MYO3A: variants seen among roughly 807,000 people sequenced by gnomAD.
MYO3A encodes myosin IIIA, also known as myosin-IIIa.
A neutral mutation model predicts 192.7 loss-of-function variants in MYO3A; 180 were observed. That is an observed-to-expected ratio of 0.93 (90% CI 0.83 to 1.06). The LOEUF (loss-of-function observed/expected upper bound fraction) is 1.06. Among genes scored for constraint, MYO3A ranks in the 50% least tolerant of loss-of-function variants. The pLI, the probability that MYO3A is intolerant of heterozygous loss-of-function variation, is 0.00. For missense variants in MYO3A, 1,896 were observed against 1,905.0 expected, an observed-to-expected ratio of 1.00 and a Z score of 0.09; for synonymous variants, 628 against 645.3, an observed-to-expected ratio of 0.97 and a Z score of 0.41.
chr10:26,188,393 C>T (rs1842965056), intron 31 of MYO3A, among the ~76,000 whole-genome samples: 1 of 152,102 alleles, frequency 6.6e-6, no homozygotes, highest in African/African-American at 2.4e-5. Flanking sequence ...TAGATATTAG[C>T]CCTTTGTCAG....
intron 25 of MYO3A, among the ~76,000 whole-genome samples, chr10:26,155,506 A>G (rs1007423652): frequency 1.6e-4 from 25 of 152,350 alleles, no homozygotes; most frequent in African/African-American, 6.0e-4. Flanking sequence ...AAATACCACT[A>G]AAACTTGGAG....
intron 2 of MYO3A, among the ~76,000 whole-genome samples, chr10:25,942,006 CTTT>C (rs151243879): frequency 1.4e-5 from 2 of 139,196 alleles, no homozygotes; most frequent in African/African-American, 2.6e-5. Flanking sequence ...TTTCTTTTTT[CTTT>C]TTTTTTTTTT....
chr10:26,176,181 C>T (rs901789188), intron 30 of MYO3A, among the ~76,000 whole-genome samples: 13 of 152,012 alleles, frequency 8.6e-5, no homozygotes, highest in Non-Finnish European at 2.9e-5. Context: ...GTAGTCCCAG[C>T]TACTCTGGAG....
At chr10:26,173,512 C>A in intron 29 of MYO3A, 151 bp from the exon 30 acceptor site, 1 of 685,146 alleles carries the variant, frequency 1.5e-6, no homozygotes. Flanking sequence ...CTGGAAAGCA[C>A]TTGATTAATG....
At chr10:26,100,010 G>C (rs1329553640) in intron 17 of MYO3A, among the ~76,000 whole-genome samples, 1 of 152,138 alleles carries the variant, frequency 6.6e-6, no homozygotes, top group African/African-American at 2.4e-5. Context: ...TTGTACCTCT[G>C]GTAGAATTCG....
At chr10:26,071,647 ATG>A (rs1412267422) in intron 14 of MYO3A, among the ~76,000 whole-genome samples, 1 of 152,194 alleles carries the variant, frequency 6.6e-6, no homozygotes, top group African/African-American at 2.4e-5. Context: ...GGACTTGTAT[ATG>A]AAAAAAACTC....
intron 15 of MYO3A, among the ~76,000 whole-genome samples, chr10:26,091,825 A>G (rs1480347176): frequency 6.6e-6 from 1 of 151,908 alleles, no homozygotes; most frequent in Non-Finnish European, 1.5e-5. Context: ...CTTCTGTCTG[A>G]CTCCCAAGCC....
chr10:25,954,288 C>T (rs1837396950), intron 3 of MYO3A, among the ~76,000 whole-genome samples: 1 of 152,074 alleles, frequency 6.6e-6, no homozygotes, highest in Non-Finnish European at 1.5e-5. Context: ...AGAAATATGT[C>T]TAAGTGGCTG....
intron 31 of MYO3A, among the ~76,000 whole-genome samples, chr10:26,179,333 C>T (rs1408917844): frequency 6.6e-6 from 1 of 151,562 alleles, no homozygotes; most frequent in Non-Finnish European, 1.5e-5. Flanking sequence ...AAACTCCTGA[C>T]GTTAAGTGAT....
At chr10:26,060,937 A>C (rs574605453) in intron 10 of MYO3A, among the ~76,000 whole-genome samples, 1 of 150,570 alleles carries the variant, frequency 6.6e-6, no homozygotes, top group Non-Finnish European at 1.5e-5. Flanking sequence ...ATTTTATTTT[A>C]TTTTTTTTTG....
Position 26,212,196 on chromosome 10 carries a change from C to G in MYO3A, c.*233C>G. The G allele has an allele frequency of 1.7e-6, 1 of 572,228 alleles. No homozygotes were observed. The highest frequency in any genetic ancestry group is 3.0e-5 in the South Asian group (1 of 33,894). 35.4% of individuals were successfully genotyped at this position (572,228 alleles called of 1,614,324 possible). ...CCCCGACGCTCTCTCTCGGAACTCC[C>G]GCACCCTCCTTTCTCACCAGCCCGC... On this transcript the variant is annotated 3_prime_UTR_variant, in exon 35 of 35. Transcript: ENST00000642920.
At chr10:26,096,288 C>A in intron 15 of MYO3A, 93 bp from the exon 16 acceptor site, 1 of 944,270 alleles carries the variant, frequency 1.1e-6, no homozygotes, top group Non-Finnish European at 1.7e-6. Flanking sequence ...CATATCAGCA[C>A]TCACAGTCGT....
chr10:26,125,187 G>A (rs1445787927), intron 18 of MYO3A, among the ~76,000 whole-genome samples: 1 of 152,156 alleles, frequency 6.6e-6, no homozygotes, highest in Non-Finnish European at 1.5e-5. Context: ...ATAATATGCA[G>A]TAACCTAAGT....
At chr10:26,115,663 C>T (rs997557309) in intron 17 of MYO3A, among the ~76,000 whole-genome samples, 2 of 152,102 alleles carry the variant, frequency 1.3e-5, no homozygotes, top group Non-Finnish European at 2.9e-5. Flanking sequence ...TAACTAAATT[C>T]TCTTAAACAC....
chr10:26,008,369 CA>C lies in MYO3A; in HGVS notation c.509-8447del, dbSNP rs1219612837. Among the ~76,000 whole-genome samples the C allele has an allele frequency of 1.6e-4, 24 of 148,708 alleles. 1 individual carries two copies. The highest frequency in any genetic ancestry group is 4.9e-4 in the African/African-American group (19 of 38,826). The stretch of plus-strand genomic sequence containing the variant: ...CACCAAAAGCAATGGCAACAAAAGC[CA>C]AAATTGACAAATGGGATCTAATTAA... On this transcript the variant is annotated intron_variant, in intron 6 of 34. Transcript: ENST00000642920.
chr10:25,962,576 T>C (rs1838002571), intron 4 of MYO3A, among the ~76,000 whole-genome samples: 1 of 152,226 alleles, frequency 6.6e-6, no homozygotes, highest in African/African-American at 2.4e-5. Flanking sequence ...CATTTTGAAA[T>C]ACCTTATGTA....
chr10:26,176,426 C>G (rs567549439), intron 30 of MYO3A, among the ~76,000 whole-genome samples: 2 of 152,296 alleles, frequency 1.3e-5, no homozygotes, highest in South Asian at 2.1e-4. Context: ...TCTCAGAAAC[C>G]TGGGAAGGAG....
intron 20 of MYO3A, among the ~76,000 whole-genome samples, chr10:26,138,090 T>G (rs1480074939): frequency 6.6e-6 from 1 of 152,192 alleles, no homozygotes; most frequent in Non-Finnish European, 1.5e-5. Context: ...CTTTTTGCGC[T>G]TTGAAGCATG....
chr10:26,008,777 G>A (rs866377751), intron 6 of MYO3A, among the ~76,000 whole-genome samples: 7 of 152,030 alleles, frequency 4.6e-5, no homozygotes, highest in South Asian at 2.1e-4. Flanking sequence ...CACACTGTTG[G>A]TGGGACTGTA....
Sources: allele counts gnomAD v4.1 joint callset (sites outside exome capture counted in the v4.1 genomes callset), GRCh38; gene constraint gnomAD v4.1.1; transcripts MANE v1.5; gene names NCBI Gene and HGNC (gene_info 2026-07-23, HGNC 2026-07-21).